Variants in PLPPR5 observed in about 807,000 individuals in gnomAD.
PLPPR5 encodes the protein phospholipid phosphatase related 5.
A neutral mutation model predicts 33.9 loss-of-function variants in PLPPR5; 16 were observed. That is an observed-to-expected ratio of 0.47 (90% confidence interval 0.32 to 0.72). The LOEUF is 0.72. PLPPR5 is among the 30% of genes least tolerant of loss of function. The pLI is 0.03. For synonymous variants in PLPPR5, 163 were observed against 150.3 expected (o/e 1.08, Z -0.62); for missense variants, 301 against 406.7 (o/e 0.74, Z 2.23).
intron 1 of PLPPR5, among the ~76,000 whole-genome samples, chr1:98,984,825 G>T (rs1357354985): frequency 1.3e-5 from 2 of 151,752 alleles, no homozygotes; most frequent in African/African-American, 4.8e-5. Context: ...TCCAGGCAAA[G>T]AAAATACTTT....
intron 1 of PLPPR5, chr1:98,990,786 A>C (rs1652424710): frequency 6.6e-6 from 1 of 151,808 alleles, no homozygotes; most frequent in Non-Finnish European, 1.5e-5. Context: ...TTTTCTCATA[A>C]AAATTTTCTT....
intron 1 of PLPPR5, among the ~76,000 whole-genome samples, chr1:98,980,965 C>T (rs1652042249): frequency 2.0e-5 from 3 of 152,022 alleles, no homozygotes. Flanking sequence ...TTCTTAGTAA[C>T]CATCTAATCA....
chr1:98,969,567 A>G (rs1223618800), intron 1 of PLPPR5, among the ~76,000 whole-genome samples: 3 of 152,010 alleles, frequency 2.0e-5, no homozygotes, highest in Non-Finnish European at 2.9e-5. Context: ...AAAGAATGAC[A>G]TTCTTTTTCT....
chr1:98,918,911 T>G (rs996429681), intron 4 of PLPPR5, among the ~76,000 whole-genome samples: 1 of 152,218 alleles, frequency 6.6e-6, no homozygotes, highest in African/African-American at 2.4e-5. Flanking sequence ...CCAGACCTTG[T>G]TCTAGTTATT....
chr1:98,953,540 C>G (rs1262869547), intron 2 of PLPPR5, among the ~76,000 whole-genome samples: 2 of 152,010 alleles, frequency 1.3e-5, no homozygotes, highest in Non-Finnish European at 2.9e-5. Context: ...ATTGCTCTGT[C>G]TACTACTGGT....
chr1:98,961,055 C>A (rs903052834), intron 1 of PLPPR5, among the ~76,000 whole-genome samples: 1 of 152,170 alleles, frequency 6.6e-6, no homozygotes, highest in African/African-American at 2.4e-5. Context: ...ACTACCTAAC[C>A]TAGTCTGAAG....
intron 3 of PLPPR5, among the ~76,000 whole-genome samples, chr1:98,941,192 G>C (rs979657612): frequency 6.6e-6 from 1 of 151,884 alleles, no homozygotes; most frequent in Non-Finnish European, 1.5e-5. Context: ...ACAGTTTTCT[G>C]ACATTGCAAT....
Position 98,893,006 on chromosome 1 carries a change from G to T in PLPPR5, c.*66C>A. ...CTTCACTTGCAATCAAACAAACTTT[G>T]GGTGTTATGAATGGATGGTAAAAAG... On this transcript the variant is annotated 3_prime_UTR_variant, in exon 6 of 6. Transcript: ENST00000263177. The T allele has an allele frequency of 1.4e-6, 2 of 1,455,412 alleles. No homozygotes were observed. Among genetic ancestry groups the T allele is most frequent in the Non-Finnish European group, 1.9e-6 (2 of 1,047,792 alleles). The allele number at this position is 1,455,412 out of a possible 1,614,324, so 90.2% of individuals were successfully genotyped here.
chr1:98,976,092 TAA>T (rs34637022), intron 1 of PLPPR5, among the ~76,000 whole-genome samples: 2,961 of 74,716 alleles, frequency 0.04, 61 homozygotes, highest in African/African-American at 0.063. Context: ...TACTAAAAAG[TAA>T]AAAAAAAAAA....
chr1:98,894,596 G>A (rs1648401574), intron 5 of PLPPR5, among the ~76,000 whole-genome samples: 1 of 152,046 alleles, frequency 6.6e-6, no homozygotes, highest in Admixed American at 6.6e-5. Flanking sequence ...ATCAGTCAGT[G>A]ACAACTGGTG....
chr1:98,894,735 G>C (rs1422327818), intron 5 of PLPPR5, among the ~76,000 whole-genome samples: 1 of 151,926 alleles, frequency 6.6e-6, no homozygotes, highest in Non-Finnish European at 1.5e-5. Flanking sequence ...AATGAAGGGA[G>C]GGTTCACAAG....
intron 1 of PLPPR5, among the ~76,000 whole-genome samples, chr1:98,961,111 G>T (rs149564270): frequency 6.8e-4 from 104 of 152,226 alleles, no homozygotes; most frequent in African/African-American, 2.4e-3. Context: ...ACGCACAGGG[G>T]ACAGACCTCC....
At chr1:98,931,617 G>A (rs942769330) in intron 3 of PLPPR5, among the ~76,000 whole-genome samples, 2 of 152,118 alleles carry the variant, frequency 1.3e-5, no homozygotes, top group African/African-American at 4.8e-5. Flanking sequence ...GCAGAGGTAA[G>A]ACTACTTACC....
chr1:98,998,958 A>G (rs1182074555), intron 1 of PLPPR5, among the ~76,000 whole-genome samples: 17 of 152,216 alleles, frequency 1.1e-4, no homozygotes. Flanking sequence ...TAAGAAATGC[A>G]TGACCAATTT....
At position 98,968,314 on chromosome 1, in the gene PLPPR5, G is replaced by C. The variant is rs139952119; in HGVS notation, c.238-11573C>G. Among the ~76,000 whole-genome samples the C allele has an allele frequency of 9.5e-3, 1,446 of 152,088 alleles. 72 individuals are homozygous for C. The highest frequency in any genetic ancestry group is 0.086 in the Admixed American group (1,314 of 15,242). ...AATGTACCTATCATTCCTCAAAAGA[G>C]CGAGCTTATAATTAATAAAAAATTA... On this transcript the variant is annotated intron_variant, in intron 1 of 5. Transcript: ENST00000263177.
chr1:99,004,551 G>C lies in PLPPR5; in HGVS notation c.121C>G (p.Gln41Glu), dbSNP rs772959005. Residue 41 changes from glutamine to glutamate, a missense_variant, in exon 1 of 6, where the codon CAG becomes GAG. Coordinates refer to ENST00000263177, the MANE Select transcript of PLPPR5 (RefSeq NM_001037317.2). ...EYTDTFTVNV[Q>E]GFFCHDSAYR... ...GCGCTGTCGTGGCAGAAGAAGCCCT[G>C]CACGTTCACGGTGAACGTGTCCGTA... 7 of 1,613,086 alleles carry C rather than the reference G, an allele frequency of 4.3e-6. No homozygotes were observed. Among genetic ancestry groups the C allele is most frequent in the Non-Finnish European group, 5.9e-6 (7 of 1,179,824 alleles).
At chr1:98,969,176 G>A (rs899427210) in intron 1 of PLPPR5, among the ~76,000 whole-genome samples, 1 of 150,202 alleles carries the variant, frequency 6.7e-6, no homozygotes, top group Non-Finnish European at 1.5e-5. Flanking sequence ...AACACTACAG[G>A]GAACACGCAA....
chr1:98,995,453 A>G (rs557297646), intron 1 of PLPPR5, among the ~76,000 whole-genome samples: 2 of 152,266 alleles, frequency 1.3e-5, no homozygotes, highest in South Asian at 4.1e-4. Context: ...GTACCTCCTG[A>G]ACCTAGAATA....
intron 1 of PLPPR5, among the ~76,000 whole-genome samples, chr1:98,960,987 G>A (rs1375816080): frequency 1.3e-5 from 2 of 152,112 alleles, no homozygotes; most frequent in East Asian, 1.9e-4. Context: ...TTCTCCATGA[G>A]CCTGACCAAA....
Sources: allele counts gnomAD v4.1 joint callset (sites outside exome capture counted in the v4.1 genomes callset), GRCh38; gene constraint gnomAD v4.1.1; transcripts MANE v1.5; gene names NCBI Gene and HGNC (gene_info 2026-07-23, HGNC 2026-07-21).